KLF12: variants seen among roughly 807,000 people sequenced by gnomAD.
KLF12 encodes Krueppel-like factor 12.
KLF12 carries 9 observed loss-of-function variants against 37.8 expected under a neutral mutation model. That is an observed-to-expected ratio of 0.24 (90% confidence interval 0.14 to 0.42). The LOEUF is 0.42. KLF12 is among the 10% of genes least tolerant of loss of function. The probability of loss-of-function intolerance (pLI) is 1.00; values close to 1 mark genes in which losing one functional copy is unlikely to be tolerated. For synonymous variants in KLF12, 208 were observed against 202.1 expected (o/e 1.03, Z -0.25); for missense variants, 411 against 516.0 (o/e 0.80, Z 1.97).
At chr13:74,256,745 G>A in the KLF12 span, among the ~76,000 whole-genome samples, 4 of 149,388 alleles carry the variant, frequency 2.7e-5, no homozygotes, top group Non-Finnish European at 4.5e-5. Flanking sequence ...CTGTTGCCAC[G>A]CTGTTTTGGA....
Position 73,921,528 on chromosome 13 carries a change from T to C in KLF12, c.123+22453A>G, listed in dbSNP as rs563258540. ...TATACTCCTAAGCTTTGAGTTCACA[T>C]AGGCACTTACATATTCCACAACTTA... On this transcript the variant is annotated intron_variant, in intron 3 of 7. Coordinates refer to ENST00000377669, the MANE Select transcript of KLF12 (RefSeq NM_007249.5). 1.2e-4 allele frequency among the ~76,000 whole-genome samples: 19 copies of C among 152,316 alleles called. 1 individual carries two copies. The highest frequency in any genetic ancestry group is 8.5e-4 in the Admixed American group (13 of 15,284).
At chr13:74,067,836 A>AT (rs1487663345) in intron 1 of KLF12, among the ~76,000 whole-genome samples, 1 of 152,220 alleles carries the variant, frequency 6.6e-6, no homozygotes, top group African/African-American at 2.4e-5. Context: ...ATGTCAGGGA[A>AT]GGGGTATACA....
chr13:73,733,040 T>C (rs1285085166), intron 6 of KLF12, among the ~76,000 whole-genome samples: 1 of 152,196 alleles, frequency 6.6e-6, no homozygotes, highest in African/African-American at 2.4e-5. Context: ...CCATCTTCAC[T>C]GCCATACTCA....
intron 1 of KLF12, among the ~76,000 whole-genome samples, chr13:73,995,704 G>A (rs1892094583): frequency 6.6e-6 from 1 of 152,048 alleles, no homozygotes; most frequent in Non-Finnish European, 1.5e-5. Context: ...AAAATCTCCA[G>A]GACCATTAGG....
At chr13:73,896,208 T>A (rs1887762080) in intron 3 of KLF12, among the ~76,000 whole-genome samples, 1 of 152,180 alleles carries the variant, frequency 6.6e-6, no homozygotes. Context: ...GATACTAAAA[T>A]CAAAAATAGT....
At chr13:74,185,939 C>G in the KLF12 span, among the ~76,000 whole-genome samples, 3 of 152,136 alleles carry the variant, frequency 2.0e-5, no homozygotes, top group Non-Finnish European at 4.4e-5. Context: ...CCACTGCGAC[C>G]GGCCAAGACT....
chr13:74,072,364 A>AATATACATAT (rs1874303155), intron 1 of KLF12, among the ~76,000 whole-genome samples: 1 of 63,064 alleles, frequency 1.6e-5, no homozygotes, highest in African/African-American at 4.7e-5. Context: ...AAGAAATACA[A>AATATACATAT]ATATATATAT....
intron 1 of KLF12, among the ~76,000 whole-genome samples, chr13:74,057,147 T>A (rs182232994): frequency 6.6e-6 from 1 of 152,362 alleles, no homozygotes; most frequent in Admixed American, 6.5e-5. Context: ...CAGGCTTTTT[T>A]GTTTCTGAAC....
chr13:74,186,473 G>T, the KLF12 span, among the ~76,000 whole-genome samples: 1 of 152,104 alleles, frequency 6.6e-6, no homozygotes, highest in East Asian at 1.9e-4. Context: ...ACTTTGGACA[G>T]GTTGGGTACA....
intron 3 of KLF12, among the ~76,000 whole-genome samples, chr13:73,934,364 T>G (rs770473902): frequency 6.6e-6 from 1 of 152,238 alleles, no homozygotes; most frequent in Non-Finnish European, 1.5e-5. Flanking sequence ...TGTCCTGTGC[T>G]GTCGTTACTA....
chr13:73,822,868 TCAC>T (rs1566394767), intron 4 of KLF12, among the ~76,000 whole-genome samples: 1 of 152,216 alleles, frequency 6.6e-6, no homozygotes, highest in African/African-American at 2.4e-5. Context: ...CTCTGAGATA[TCAC>T]CACACCACTA....
intron 3 of KLF12, among the ~76,000 whole-genome samples, chr13:73,928,930 A>C (rs1889535378): frequency 1.3e-5 from 2 of 152,164 alleles, no homozygotes; most frequent in Admixed American, 6.6e-5. Context: ...AGTACCCCCC[A>C]TAGACATTCT....
intron 3 of KLF12, among the ~76,000 whole-genome samples, chr13:73,847,665 C>A (rs191177869): frequency 3.9e-5 from 6 of 152,108 alleles, no homozygotes; most frequent in African/African-American, 7.2e-5. Context: ...TTTTTCTTAG[C>A]TAACATGGTT....
At chr13:74,101,604 G>A (rs537233907) in intron 1 of KLF12, among the ~76,000 whole-genome samples, 1 of 152,146 alleles carries the variant, frequency 6.6e-6, no homozygotes, top group Non-Finnish European at 1.5e-5. Flanking sequence ...AGATGAGCCT[G>A]GAACTGCTTA....
intron 1 of KLF12, among the ~76,000 whole-genome samples, chr13:74,046,101 G>C (rs1543872): frequency 0.62 from 93,540 of 152,014 alleles, 29,739 homozygotes; most frequent in East Asian, 0.84. Flanking sequence ...TTTAGACGTT[G>C]TTTCACTTAA....
At chr13:74,205,824 C>A in the KLF12 span, among the ~76,000 whole-genome samples, 1 of 151,936 alleles carries the variant, frequency 6.6e-6, no homozygotes, top group African/African-American at 2.4e-5. Flanking sequence ...GGGTGGGCTG[C>A]AAAAAGATAA....
chr13:73,726,315 T>A (rs549983593), intron 6 of KLF12, among the ~76,000 whole-genome samples: 1 of 152,334 alleles, frequency 6.6e-6, no homozygotes, highest in South Asian at 2.1e-4. Context: ...CATGAAGTCA[T>A]CCTTATAAAG....
chr13:73,746,589 A>G (rs1878387069), intron 6 of KLF12, among the ~76,000 whole-genome samples: 1 of 152,098 alleles, frequency 6.6e-6, no homozygotes. Context: ...ATTAATTCTG[A>G]GCATTACTAT....
intron 1 of KLF12, among the ~76,000 whole-genome samples, chr13:74,002,776 G>A (rs1021234342): frequency 7.2e-5 from 11 of 152,210 alleles, no homozygotes; most frequent in African/African-American, 2.7e-4. Flanking sequence ...GGTAATAAAA[G>A]TCACTGATTT....
Sources: allele counts gnomAD v4.1 joint callset (sites outside exome capture counted in the v4.1 genomes callset), GRCh38; gene constraint gnomAD v4.1.1; transcripts MANE v1.5; gene names NCBI Gene and HGNC (gene_info 2026-07-23, HGNC 2026-07-21).